The following TTC6 variants were observed in gnomAD, a reference collection of about 807,000 sequenced individuals.
TTC6 encodes tetratricopeptide repeat domain 6, also known as tetratricopeptide repeat protein 6.
TTC6 carries 172 observed loss-of-function variants against 210.4 expected under a neutral mutation model. The ratio of observed to expected loss-of-function variants is 0.82; its 90% confidence interval spans 0.72 to 0.93. The LOEUF is 0.93. Ranked by LOEUF, TTC6 falls within the 40% of genes least tolerant of loss-of-function variation. The pLI is 0.00. For synonymous variants in TTC6, 804 were observed against 819.6 expected, an observed-to-expected ratio of 0.98 and a Z score of 0.32; for missense variants, 2,414 against 2,318.1, an observed-to-expected ratio of 1.04 and a Z score of -0.85.
chr14:37,610,389 C>G (rs1194649152), intron 2 of TTC6, among the ~76,000 whole-genome samples: 2 of 152,146 alleles, frequency 1.3e-5, no homozygotes, highest in African/African-American at 4.8e-5. Flanking sequence ...TGCCATTCTC[C>G]CCACCTCATT....
intron 2 of TTC6, among the ~76,000 whole-genome samples, chr14:37,682,236 T>G (rs1375978848): frequency 6.6e-6 from 1 of 151,996 alleles, no homozygotes; most frequent in South Asian, 2.1e-4. Context: ...GTAACTTGGC[T>G]AAGGTCAAAC....
chr14:37,790,599 C>G, intron 15 of TTC6, 118 bp from the exon 18 acceptor site: 1 of 803,714 alleles, frequency 1.2e-6, no homozygotes, highest in African/African-American at 1.7e-5. Context: ...AGATATGTTT[C>G]TATTTTATAT....
In TTC6 at chr14:37,699,025, A is replaced by G. The variant is rs115555347; in HGVS notation, c.1376+2190A>G. 5.3e-4 allele frequency among the ~76,000 whole-genome samples: 81 copies of G among 152,318 alleles called. 1 individual carries two copies. Among genetic ancestry groups the G allele is most frequent in the African/African-American group, 1.9e-3 (79 of 41,590 alleles). On this transcript the variant is annotated intron_variant, in intron 4 of 30. Transcript: ENST00000553443. ...GCTAATCTCTGAATCAGTGCCAGCC[A>G]TATTGAGTGGTCAGTGGACAGACCA... is the stretch of plus-strand genomic sequence containing the variant.
intron 27 of TTC6, among the ~76,000 whole-genome samples, chr14:37,825,262 C>T (rs944175236): frequency 6.6e-6 from 1 of 152,154 alleles, no homozygotes; most frequent in African/African-American, 2.4e-5. Flanking sequence ...AATCTAATCT[C>T]AATTTGCCTG....
upstream of TTC6, among the ~76,000 whole-genome samples, chr14:37,595,691 C>A (rs1464308874): frequency 6.6e-6 from 1 of 152,168 alleles, no homozygotes; most frequent in Non-Finnish European, 1.5e-5. Context: ...ATAACTGACC[C>A]CGGGGTCCCT....
Position 37,714,810 on chromosome 14 carries a change from T to A in TTC6, c.1713+14T>A. 3 of 1,528,932 alleles carry A rather than the reference T, an allele frequency of 2.0e-6. No individual in the cohort carries two copies. Among genetic ancestry groups the A allele is most frequent in the Non-Finnish European group, 1.7e-6 (2 of 1,144,206 alleles). The allele number at this position is 1,528,932 out of a possible 1,614,324, so 94.7% of individuals were successfully genotyped here. A position where few individuals can be genotyped will look rare whatever the true frequency, so the allele number is the denominator to read the frequency against. On this transcript the variant is annotated intron_variant, in intron 6 of 30. Transcript: ENST00000553443. ...TTGGGAGAGGAAGTAAGAACTTTCT[T>A]TAATATTAGTTTTTTTGTACCTCAC...
At chr14:37,771,636 C>T (rs967959829) in intron 14 of TTC6, among the ~76,000 whole-genome samples, 2 of 152,112 alleles carry the variant, frequency 1.3e-5, no homozygotes, top group Admixed American at 6.5e-5. Context: ...AGTTCTCGAG[C>T]CTTGGTTTTC....
intron 6 of TTC6, among the ~76,000 whole-genome samples, chr14:37,721,208 C>T (rs1010339346): frequency 6.6e-6 from 1 of 151,898 alleles, no homozygotes; most frequent in Non-Finnish European, 1.5e-5. Flanking sequence ...TGATGACTTT[C>T]ATACTTTATT....
intron 26 of TTC6, among the ~76,000 whole-genome samples, chr14:37,819,624 A>C (rs577060364): frequency 2.7e-4 from 41 of 152,334 alleles, no homozygotes; most frequent in Non-Finnish European, 5.1e-4. Flanking sequence ...AAATAATATC[A>C]TAGAGGGAGA....
At position 37,770,786 on chromosome 14, in the gene TTC6, G is replaced by A. The variant is rs527550540; in HGVS notation, c.3267-16682G>A. Among the ~76,000 whole-genome samples the A allele has an allele frequency of 7.2e-4, 107 of 147,696 alleles. 3 individuals carry two copies. The South Asian group carries it at 0.018, about 25-fold the overall frequency. On this transcript the variant is annotated intron_variant, in intron 14 of 30. Transcript: ENST00000553443. ...TGCCAGTCTGTGTCTTTTAATTGGA[G>A]CATTTAGTCCATTTACATTTAAAGT...
chr14:37,648,556 C>T (rs906496493), intron 1 of TTC6, among the ~76,000 whole-genome samples: 2 of 151,996 alleles, frequency 1.3e-5, no homozygotes, highest in Non-Finnish European at 2.9e-5. Flanking sequence ...CAAGATTGTA[C>T]TATCTATCCT....
intron 24 of TTC6, among the ~76,000 whole-genome samples, chr14:37,812,011 G>A (rs534643477): frequency 0.01 from 1,572 of 152,236 alleles, 13 homozygotes; most frequent in Non-Finnish European, 0.013. Context: ...CTACCCAGTA[G>A]AGGCAGAATG....
chr14:37,803,931 A>G (rs2096112628), intron 20 of TTC6, among the ~76,000 whole-genome samples: 1 of 152,196 alleles, frequency 6.6e-6, no homozygotes, highest in Non-Finnish European at 1.5e-5. Flanking sequence ...TTAGCAATTT[A>G]AGACAATTAA....
intron 5 of TTC6, among the ~76,000 whole-genome samples, chr14:37,713,949 G>A (rs1301897952): frequency 6.6e-6 from 1 of 152,130 alleles, no homozygotes; most frequent in Non-Finnish European, 1.5e-5. Context: ...TCTATATTAT[G>A]TATGTGGCAC....
intron 24 of TTC6, among the ~76,000 whole-genome samples, chr14:37,809,517 G>A (rs1328084496): frequency 1.3e-5 from 2 of 152,104 alleles, no homozygotes; most frequent in Admixed American, 6.5e-5. Context: ...CTCCCAAAGT[G>A]CAGAATTTTT....
chr14:37,749,443 A>G (rs1435544601), intron 11 of TTC6, 42 bp downstream of exon 13: 8 of 1,376,148 alleles, frequency 5.8e-6, no homozygotes, highest in Admixed American at 3.4e-5. Flanking sequence ...CACCATTTAC[A>G]CTTGCTTTTA....
chr14:37,601,680 T>A (rs2139215471), intron 1 of TTC6, among the ~76,000 whole-genome samples: 1 of 152,334 alleles, frequency 6.6e-6, no homozygotes, highest in South Asian at 2.1e-4. Flanking sequence ...CCATTGGGTC[T>A]GGCTCTTACC....
chr14:37,838,529 T>A (rs187129447), intron 29 of TTC6, among the ~76,000 whole-genome samples: 249 of 152,330 alleles, frequency 1.6e-3, no homozygotes, highest in Non-Finnish European at 2.5e-3. Flanking sequence ...TGATATTTCC[T>A]CTCTCTTTTT....
At chr14:37,763,704 G>C (rs2095990944) in intron 14 of TTC6, among the ~76,000 whole-genome samples, 1 of 151,826 alleles carries the variant, frequency 6.6e-6, no homozygotes, top group African/African-American at 2.4e-5. Context: ...TTTCTTCTTA[G>C]TCGGTCTAGC....
Sources: allele counts gnomAD v4.1 joint callset (sites outside exome capture counted in the v4.1 genomes callset), GRCh38; gene constraint gnomAD v4.1.1; transcripts MANE v1.5; gene names NCBI Gene and HGNC (gene_info 2026-07-23, HGNC 2026-07-21).